RGS20: variants seen among roughly 807,000 people sequenced by gnomAD.
The protein encoded by RGS20 is regulator of G protein signaling 20, also known as gz-selective GTPase-activating protein.
In RGS20, 30 loss-of-function variants were observed where a neutral mutation model predicts 33.6. That is an observed-to-expected ratio of 0.89 (90% CI 0.67 to 1.21). The LOEUF (loss-of-function observed/expected upper bound fraction) is 1.21, where lower values mean the gene tolerates loss of function less well. Among genes scored for constraint, RGS20 ranks in the 50% most tolerant of loss-of-function variants. RGS20 has a pLI of 0.00. For missense variants in RGS20, 472 were observed against 502.4 expected, an observed-to-expected ratio of 0.94 and a Z score of 0.58; for synonymous variants, 208 against 197.9, an observed-to-expected ratio of 1.05 and a Z score of -0.43.
At chr8:53,924,700 T>C (rs1387568956) in intron 2 of RGS20, among the ~76,000 whole-genome samples, 1 of 152,204 alleles carries the variant, frequency 6.6e-6, no homozygotes, top group Non-Finnish European at 1.5e-5. Flanking sequence ...TTTTTACTTA[T>C]CTCCATCTAG....
chr8:53,854,495 A>G (rs992436809), intron 1 of RGS20, among the ~76,000 whole-genome samples: 1 of 152,230 alleles, frequency 6.6e-6, no homozygotes, highest in African/African-American at 2.4e-5. Context: ...GTTAGCCACT[A>G]GGAGATGCAA....
intron 2 of RGS20, among the ~76,000 whole-genome samples, chr8:53,922,210 A>C (rs1813667671): frequency 6.6e-6 from 1 of 152,062 alleles, no homozygotes; most frequent in Admixed American, 6.6e-5. Flanking sequence ...TATATTTATA[A>C]TTGTTGTATC....
intron 2 of RGS20, among the ~76,000 whole-genome samples, chr8:53,916,681 T>C (rs1181870410): frequency 6.6e-6 from 1 of 152,196 alleles, no homozygotes; most frequent in Non-Finnish European, 1.5e-5. Context: ...TTATTTGTCC[T>C]GCTTTGTAAA....
At chr8:53,956,456 C>A (rs1310335528) in intron 5 of RGS20, among the ~76,000 whole-genome samples, 1 of 152,038 alleles carries the variant, frequency 6.6e-6, no homozygotes, top group Admixed American at 6.6e-5. Context: ...TTGGAGAAGA[C>A]CAGGGGCAGA....
chr8:53,912,539 A>G (rs891171941), intron 2 of RGS20, among the ~76,000 whole-genome samples: 15 of 152,210 alleles, frequency 9.9e-5, no homozygotes, highest in Non-Finnish European at 1.9e-4. Flanking sequence ...TACATTCCTC[A>G]AATGAATTCA....
At chr8:53,912,814 A>G (rs1232538259) in intron 2 of RGS20, among the ~76,000 whole-genome samples, 1 of 152,216 alleles carries the variant, frequency 6.6e-6, no homozygotes, top group African/African-American at 2.4e-5. Context: ...TAATTTTTAT[A>G]GGAAAAGTAG....
intron 2 of RGS20, among the ~76,000 whole-genome samples, chr8:53,897,974 C>T (rs1437910745): frequency 6.6e-6 from 1 of 152,194 alleles, no homozygotes; most frequent in African/African-American, 2.4e-5. Context: ...ACAGGTGCTA[C>T]TCTTACTACA....
chr8:53,857,899 CA>C (rs200825515), intron 1 of RGS20, among the ~76,000 whole-genome samples: 18 of 143,594 alleles, frequency 1.3e-4, no homozygotes, highest in African/African-American at 2.8e-4. Flanking sequence ...TGTCTCATCA[CA>C]AAAAAAAAAT....
At chr8:53,945,041 T>C (rs1301829754) in intron 3 of RGS20, among the ~76,000 whole-genome samples, 1 of 152,198 alleles carries the variant, frequency 6.6e-6, no homozygotes, top group African/African-American at 2.4e-5. Flanking sequence ...GTAAAACAGT[T>C]TGGGAGTTCC....
rs150676610 is a variant in RGS20, at chr8:53,879,369, C to A, written c.277C>A (p.Pro93Thr). ...GTTCTTCTCTCACCTTCTCCGGCGA[C>A]CCCCTCCCGAGGCTCCCCGGAGGCG... The change falls in exon 2 of 6, where the codon CCC (proline) becomes ACC (threonine). Residue 93 changes from proline (P) to threonine (T), a missense_variant. Around this residue, in one of 3 missense-constraint regions of RGS20, gnomAD observed 319 missense variants for 283.4 expected, o/e 1.13. Coordinates refer to ENST00000297313, the MANE Select transcript of RGS20 (RefSeq NM_170587.4). 29 of 1,611,498 alleles carry A rather than the reference C, an allele frequency of 1.8e-5. No homozygotes were observed. Among genetic ancestry groups the A allele is most frequent in the Non-Finnish European group, 2.4e-5 (28 of 1,179,852 alleles).
intron 1 of RGS20, among the ~76,000 whole-genome samples, chr8:53,869,079 G>T (rs368287819): frequency 1.3e-5 from 2 of 152,230 alleles, no homozygotes; most frequent in African/African-American, 4.8e-5. Context: ...TAGAGCTGGG[G>T]ATCCCAGAAA....
At position 53,879,381 on chromosome 8, in the gene RGS20, G is replaced by A. The variant is rs139874224; in HGVS notation, c.289G>A (p.Ala97Thr). Residue 97 changes from alanine to threonine, a missense_variant, in exon 2 of 6, where the codon GCT becomes ACT. Physicochemically the swap from Ala to Thr is moderately conservative, Grantham distance 58. Coordinates refer to ENST00000297313, the MANE Select transcript of RGS20 (RefSeq NM_170587.4). ...CCTTCTCCGGCGACCCCCTCCCGAG[G>A]CTCCCCGGAGGCGCCTGGACTTCTC... 1.4e-4 allele frequency: 227 copies of A among 1,611,056 alleles called. No homozygotes were observed. The highest frequency in any genetic ancestry group is 1.4e-3 in the African/African-American group (105 of 74,938).
At chr8:53,935,466 A>G (rs1377796422) in intron 2 of RGS20, among the ~76,000 whole-genome samples, 1 of 152,240 alleles carries the variant, frequency 6.6e-6, no homozygotes, top group Non-Finnish European at 1.5e-5. Flanking sequence ...ATCAGAGAAT[A>G]TTATAAACAC....
At chr8:53,858,196 A>C (rs1213916419) in intron 1 of RGS20, among the ~76,000 whole-genome samples, 1 of 152,196 alleles carries the variant, frequency 6.6e-6, no homozygotes, top group Non-Finnish European at 1.5e-5. Context: ...GATCAACTTA[A>C]AAGTAAATGG....
intron 3 of RGS20, among the ~76,000 whole-genome samples, chr8:53,945,680 T>C (rs1222919657): frequency 1.3e-5 from 2 of 151,838 alleles, no homozygotes; most frequent in East Asian, 3.9e-4. Context: ...CTTTGGGAGG[T>C]CCAGGTGGGT....
At chr8:53,946,920 C>T (rs1161045684) in intron 4 of RGS20, among the ~76,000 whole-genome samples, 172 bp downstream of exon 3, 1 of 151,762 alleles carries the variant, frequency 6.6e-6, no homozygotes, top group Non-Finnish European at 1.5e-5. Context: ...TTTAATTCAT[C>T]GTGTGACAGG....
chr8:53,917,966 A>G (rs1813536743), intron 2 of RGS20, among the ~76,000 whole-genome samples: 1 of 152,170 alleles, frequency 6.6e-6, no homozygotes, highest in Non-Finnish European at 1.5e-5. Flanking sequence ...TGGGCATTTC[A>G]TGTACAAGTA....
intron 2 of RGS20, among the ~76,000 whole-genome samples, chr8:53,932,466 C>T (rs919392688): frequency 1.3e-5 from 2 of 152,156 alleles, no homozygotes; most frequent in Non-Finnish European, 2.9e-5. Flanking sequence ...ATTAATGAGG[C>T]TTGAGTAGGC....
intron 1 of RGS20, among the ~76,000 whole-genome samples, chr8:53,853,514 T>C (rs1293520083): frequency 2.0e-5 from 3 of 152,130 alleles, no homozygotes; most frequent in South Asian, 2.1e-4. Context: ...AGCAATCCAG[T>C]TGGGATGCTA....
Sources: allele counts gnomAD v4.1 joint callset (sites outside exome capture counted in the v4.1 genomes callset), GRCh38; gene constraint gnomAD v4.1.1; regional missense constraint gnomAD v4.1.1; transcripts MANE v1.5; gene names NCBI Gene and HGNC (gene_info 2026-07-23, HGNC 2026-07-21).